STK39: variants seen among roughly 807,000 people sequenced by gnomAD.
The protein encoded by STK39 is serine/threonine kinase 39.
STK39 carries 20 observed loss-of-function variants against 77.8 expected under a neutral mutation model. The observed-to-expected ratio is 0.26, with a 90% confidence interval of 0.18 to 0.37. The LOEUF (loss-of-function observed/expected upper bound fraction) is 0.37, where lower values mean the gene tolerates loss of function less well. STK39 is among the 10% of genes least tolerant of loss of function. STK39 has a pLI of 1.00. For synonymous variants in STK39, 246 were observed against 234.1 expected, an observed-to-expected ratio of 1.05 and a Z score of -0.47; for missense variants, 479 against 656.5, an observed-to-expected ratio of 0.73 and a Z score of 2.95.
intron 1 of STK39, among the ~76,000 whole-genome samples, chr2:168,188,653 G>A (rs1425509029): frequency 1.3e-5 from 2 of 152,058 alleles, no homozygotes; most frequent in East Asian, 1.9e-4. Context: ...GCATGTACTC[G>A]GCACATTGAC....
intron 3 of STK39, among the ~76,000 whole-genome samples, chr2:168,166,480 T>C (rs188251646): frequency 4.5e-4 from 68 of 152,228 alleles, no homozygotes; most frequent in East Asian, 3.5e-3. Context: ...AGGATGACAA[T>C]AGTGCCATTT....
At chr2:168,103,598 G>C (rs1686893121) in intron 10 of STK39, among the ~76,000 whole-genome samples, 1 of 152,152 alleles carries the variant, frequency 6.6e-6, no homozygotes, top group Non-Finnish European at 1.5e-5. Context: ...AGAAAGCAAT[G>C]ATTCTTTGCA....
intron 2 of STK39, among the ~76,000 whole-genome samples, chr2:168,180,394 A>G (rs1426229335): frequency 1.3e-5 from 2 of 152,162 alleles, no homozygotes; most frequent in Non-Finnish European, 2.9e-5. Flanking sequence ...CAAATTCTTG[A>G]GTGATACATC....
At chr2:168,027,528 TC>T (rs1467657515) in intron 14 of STK39, among the ~76,000 whole-genome samples, 1 of 152,120 alleles carries the variant, frequency 6.6e-6, no homozygotes, top group Non-Finnish European at 1.5e-5. Flanking sequence ...GTCACACTGT[TC>T]CCTTTAACAA....
intron 2 of STK39, among the ~76,000 whole-genome samples, chr2:168,181,712 G>C (rs933085985): frequency 6.6e-6 from 1 of 152,118 alleles, no homozygotes. Flanking sequence ...ACAGCAAGTG[G>C]AGTGCCAACG....
At chr2:168,090,684 A>C (rs1156333045) in intron 10 of STK39, among the ~76,000 whole-genome samples, 1 of 152,224 alleles carries the variant, frequency 6.6e-6, no homozygotes. Context: ...CGTAAGACAC[A>C]GGAACATTCT....
intron 1 of STK39, among the ~76,000 whole-genome samples, chr2:168,240,973 A>G (rs1167569420): frequency 2.6e-5 from 4 of 152,244 alleles, no homozygotes; most frequent in Non-Finnish European, 5.9e-5. Context: ...GAAGAGTCAC[A>G]GTGATTTCAG....
At chr2:168,023,261 CTTTT>C (rs373354840) in intron 14 of STK39, among the ~76,000 whole-genome samples, 147 of 139,918 alleles carry the variant, frequency 1.1e-3, no homozygotes, top group African/African-American at 3.8e-3. Flanking sequence ...TGCTGACAAA[CTTTT>C]TTTTTTTTTT....
chr2:168,156,927 C>T (rs1688443378), intron 5 of STK39, among the ~76,000 whole-genome samples: 1 of 152,188 alleles, frequency 6.6e-6, no homozygotes, highest in Non-Finnish European at 1.5e-5. Context: ...TTCCCTACAA[C>T]ACAAAAAATA....
chr2:168,179,523 T>C (rs1248492448), intron 2 of STK39, among the ~76,000 whole-genome samples: 1 of 151,896 alleles, frequency 6.6e-6, no homozygotes, highest in East Asian at 1.9e-4. Context: ...ATCAAAGCAA[T>C]AAATCAATAT....
intron 17 of STK39, among the ~76,000 whole-genome samples, chr2:167,958,349 AAATT>A (rs536223397): frequency 1.4e-4 from 21 of 152,356 alleles, no homozygotes; most frequent in Non-Finnish European, 2.5e-4. Context: ...AGGTTTACAT[AAATT>A]AATTATACTA....
Position 168,122,823 on chromosome 2 carries a change from C to T in STK39, c.1089+6718G>A, listed in dbSNP as rs75024353. On this transcript the variant is annotated intron_variant, in intron 10 of 17. Transcript: ENST00000355999. Reference sequence around the variant, plus strand: ...ATAGCCTATGAATGTAGAGCCATGACATAAAGTATAAATGTTTCCTTGAAA... The same window carrying T: ...ATAGCCTATGAATGTAGAGCCATGATATAAAGTATAAATGTTTCCTTGAAA... Among the ~76,000 whole-genome samples, 1,241 of 152,242 alleles carry T rather than the reference C, an allele frequency of 8.2e-3. 16 individuals are homozygous for T. Among genetic ancestry groups the T allele is most frequent in the African/African-American group, 0.027 (1,135 of 41,530 alleles).
chr2:168,065,435 G>A, intron 12 of STK39, 54 bp from the exon 13 acceptor site: 4 of 1,563,760 alleles, frequency 2.6e-6, no homozygotes, highest in Non-Finnish European at 3.5e-6. Context: ...GAGACACGGT[G>A]AGTGTGGTTA....
In STK39 at chr2:168,073,620, G is replaced by A. The variant is rs1685999431; in HGVS notation, c.1242+1362C>T. On this transcript the variant is annotated intron_variant, in intron 12 of 17. Transcript: ENST00000355999. Reference sequence around the variant, plus strand: ...CCTAACAAAGGGGGATGAGGTCTCTGATCAAAGCTTATATATATATTTTTC... The same window carrying A: ...CCTAACAAAGGGGGATGAGGTCTCTAATCAAAGCTTATATATATATTTTTC... Among the ~76,000 whole-genome samples, 3 of 151,978 alleles carry A rather than the reference G, an allele frequency of 2.0e-5. No individual in the cohort carries two copies. The South Asian group carries it at 6.2e-4, about 32-fold the overall frequency.
chr2:168,149,347 A>T (rs1416000858), intron 5 of STK39, among the ~76,000 whole-genome samples: 1 of 152,204 alleles, frequency 6.6e-6, no homozygotes, highest in African/African-American at 2.4e-5. Context: ...GATGTGATGT[A>T]TGGGAGTGAT....
intron 2 of STK39, among the ~76,000 whole-genome samples, chr2:168,170,365 A>G (rs980855091): frequency 1.1e-4 from 16 of 152,218 alleles, no homozygotes; most frequent in Admixed American, 7.9e-4. Context: ...AAGATGAACA[A>G]TTTGAAAATA....
At chr2:168,127,730 T>A (rs1032843913) in intron 10 of STK39, among the ~76,000 whole-genome samples, 1 of 152,220 alleles carries the variant, frequency 6.6e-6, no homozygotes, top group Non-Finnish European at 1.5e-5. Flanking sequence ...AAACCACTTT[T>A]GAGCAACTAA....
intron 16 of STK39, among the ~76,000 whole-genome samples, chr2:167,988,895 G>C (rs1683628778): frequency 1.3e-5 from 2 of 152,152 alleles, no homozygotes; most frequent in African/African-American, 4.8e-5. Context: ...TTATGGGAAG[G>C]GCAGCAACAA....
intron 14 of STK39, among the ~76,000 whole-genome samples, chr2:168,021,654 C>T (rs191011690): frequency 2.4e-4 from 37 of 152,194 alleles, no homozygotes; most frequent in Admixed American, 1.2e-3. Context: ...TTTCAACACT[C>T]GGCTGCCTTT....
Sources: allele counts gnomAD v4.1 joint callset (sites outside exome capture counted in the v4.1 genomes callset), GRCh38; gene constraint gnomAD v4.1.1; transcripts MANE v1.5; gene names NCBI Gene and HGNC (gene_info 2026-07-23, HGNC 2026-07-21).